The following CNTN3 variants were observed in gnomAD, a reference collection of about 807,000 sequenced individuals.
The protein encoded by CNTN3 is contactin 3.
CNTN3 carries 60 observed loss-of-function variants against 119.1 expected under a neutral mutation model. The ratio of observed to expected loss-of-function variants is 0.50; its 90% confidence interval spans 0.41 to 0.62. The LOEUF is 0.62. CNTN3 is among the 20% of genes least tolerant of loss of function. The pLI is 0.00. For synonymous variants in CNTN3, 450 were observed against 438.7 expected (o/e 1.03, Z -0.32); for missense variants, 1,101 against 1,242.4 (o/e 0.89, Z 1.71).
Position 74,307,254 on chromosome 3 carries a change from T to C in CNTN3, c.1669-4447A>G, listed in dbSNP as rs1298982378. On this transcript the variant is annotated intron_variant, in intron 13 of 22. Coordinates refer to ENST00000263665, the MANE Select transcript of CNTN3 (RefSeq NM_020872.3). ...TCCCCAGAAAATAAAAAGTTCACTG[T>C]AGCTGACTTCAAGTTCATATTTACA... Among the ~76,000 whole-genome samples, 3 of 152,188 alleles carry C rather than the reference T, an allele frequency of 2.0e-5. No homozygotes were observed. In the East Asian group the frequency reaches 5.8e-4, roughly 29 times the overall value.
chr3:74,349,645 T>C (rs1703770121), intron 11 of CNTN3, among the ~76,000 whole-genome samples: 1 of 152,212 alleles, frequency 6.6e-6, no homozygotes, highest in Non-Finnish European at 1.5e-5. Context: ...TTCCCCCATC[T>C]TAAAAATATT....
intron 4 of CNTN3, among the ~76,000 whole-genome samples, chr3:74,443,332 G>A (rs1180431799): frequency 6.6e-6 from 1 of 152,106 alleles, no homozygotes; most frequent in Non-Finnish European, 1.5e-5. Context: ...TTCCAGTGAT[G>A]AGTATTCAAG....
At chr3:74,299,794 C>A (rs149319981) in intron 17 of CNTN3, 74 bp downstream of exon 17, 1 of 1,249,078 alleles carries the variant, frequency 8.0e-7, no homozygotes. Flanking sequence ...ACCATTGGCA[C>A]CACCACCTGG....
chr3:74,433,367 A>C (rs1187783069), intron 4 of CNTN3, among the ~76,000 whole-genome samples: 1 of 152,010 alleles, frequency 6.6e-6, no homozygotes, highest in Non-Finnish European at 1.5e-5. Context: ...GTCTACCACA[A>C]ACAGATTTTT....
intron 4 of CNTN3, among the ~76,000 whole-genome samples, chr3:74,469,764 T>G (rs1702526918): frequency 6.6e-6 from 1 of 152,152 alleles, no homozygotes; most frequent in South Asian, 2.1e-4. Context: ...TGTAAATCGG[T>G]GCGGTGACTT....
At chr3:74,413,786 G>A (rs890436318) in intron 5 of CNTN3, among the ~76,000 whole-genome samples, 4 of 152,066 alleles carry the variant, frequency 2.6e-5, no homozygotes, top group East Asian at 1.9e-4. Flanking sequence ...CCATTTCAAA[G>A]TCCAACTTGC....
At chr3:74,330,212 C>A (rs1008119255) in intron 13 of CNTN3, among the ~76,000 whole-genome samples, 1 of 152,024 alleles carries the variant, frequency 6.6e-6, no homozygotes, top group African/African-American at 2.4e-5. Flanking sequence ...AAAAATTAGC[C>A]GGACACGGTG....
chr3:74,301,947 T>C (rs1202309048), intron 14 of CNTN3, 142 bp from the exon 15 acceptor site: 13 of 773,828 alleles, frequency 1.7e-5, no homozygotes, highest in Non-Finnish European at 2.7e-5. Context: ...AAAGGCCATT[T>C]ACCTGGTAAT....
chr3:74,571,891 C>T (rs1559662757), intron 1 of CNTN3, among the ~76,000 whole-genome samples: 1 of 152,106 alleles, frequency 6.6e-6, no homozygotes, highest in East Asian at 1.9e-4. Flanking sequence ...TCTGGCCTTG[C>T]AGTCTTTTGC....
chr3:74,526,735 T>C (rs147477499), intron 1 of CNTN3, among the ~76,000 whole-genome samples: 306 of 151,968 alleles, frequency 2.0e-3, no homozygotes, highest in African/African-American at 6.4e-3. Context: ...CACAGAACAA[T>C]GGACAAACAG....
At chr3:74,431,480 A>G (rs369461483) in intron 4 of CNTN3, among the ~76,000 whole-genome samples, 3 of 152,192 alleles carry the variant, frequency 2.0e-5, no homozygotes, top group Non-Finnish European at 4.4e-5. Flanking sequence ...ATTTGAGTAA[A>G]CTTGTGTCAA....
chr3:74,273,976 G>C (rs1357383354), intron 20 of CNTN3, among the ~76,000 whole-genome samples: 1 of 152,158 alleles, frequency 6.6e-6, no homozygotes, highest in Non-Finnish European at 1.5e-5. Context: ...TGGGGGCACA[G>C]TGGGAGTGAG....
chr3:74,570,419 G>A (rs1704294435), intron 1 of CNTN3, among the ~76,000 whole-genome samples: 1 of 150,698 alleles, frequency 6.6e-6, no homozygotes, highest in Non-Finnish European at 1.5e-5. Flanking sequence ...AAAGAAAGTT[G>A]AAATCAAGAA....
At chr3:74,530,999 T>C (rs1456369348) in intron 1 of CNTN3, among the ~76,000 whole-genome samples, 1 of 151,956 alleles carries the variant, frequency 6.6e-6, no homozygotes, top group Non-Finnish European at 1.5e-5. Context: ...TTGAACTTGC[T>C]GGTCTCCTTT....
intron 11 of CNTN3, among the ~76,000 whole-genome samples, chr3:74,361,216 C>A (rs1704066956): frequency 6.6e-6 from 1 of 152,096 alleles, no homozygotes; most frequent in South Asian, 2.1e-4. Flanking sequence ...TACCTAAGTG[C>A]TTTATTAATA....
intron 1 of CNTN3, among the ~76,000 whole-genome samples, chr3:74,562,960 G>GC (rs1237181847): frequency 6.6e-6 from 1 of 152,162 alleles, no homozygotes; most frequent in Non-Finnish European, 1.5e-5. Context: ...CATGCGAAGA[G>GC]ATAATGCCCA....
At chr3:74,430,118 T>C (rs765612586) in intron 4 of CNTN3, among the ~76,000 whole-genome samples, 20 of 152,212 alleles carry the variant, frequency 1.3e-4, no homozygotes, top group Admixed American at 6.5e-5. Context: ...AACTACCATA[T>C]GACCAGCAAT....
intron 3 of CNTN3, among the ~76,000 whole-genome samples, chr3:74,496,034 C>T (rs895386010): frequency 6.6e-6 from 1 of 152,020 alleles, no homozygotes; most frequent in East Asian, 1.9e-4. Context: ...ACTAGCCACA[C>T]GTGGCTACCA....
intron 20 of CNTN3, among the ~76,000 whole-genome samples, chr3:74,273,182 A>G (rs1421371015): frequency 6.6e-6 from 1 of 152,166 alleles, no homozygotes; most frequent in East Asian, 1.9e-4. Flanking sequence ...TGAGGTAGCA[A>G]TAGTCATTTA....
Sources: gnomAD v4.1 joint callset for allele counts (sites outside exome capture counted in the v4.1 genomes callset) on GRCh38, gnomAD v4.1.1 for gene constraint, MANE v1.5 for transcripts, NCBI Gene and HGNC (gene_info 2026-07-23, HGNC 2026-07-21) for gene names.